The following PRKN variants were observed in gnomAD, a reference collection of about 807,000 sequenced individuals.
PRKN encodes the protein parkin RBR E3 ubiquitin protein ligase, also known as E3 ubiquitin-protein ligase parkin.
A neutral mutation model predicts 59.5 loss-of-function variants in PRKN; 56 were observed. The ratio of observed to expected loss-of-function variants is 0.94; its 90% CI spans 0.76 to 1.18. The LOEUF (loss-of-function observed/expected upper bound fraction) is 1.18. Ranked by LOEUF, PRKN falls within the 50% of genes most tolerant of loss-of-function variation. PRKN has a pLI of 0.00. For synonymous variants in PRKN, 250 were observed against 222.1 expected (o/e 1.13, Z -1.12); for missense variants, 657 against 596.4 (o/e 1.10, Z -1.06).
intron 4 of PRKN, among the ~76,000 whole-genome samples, chr6:162,075,992 A>T (rs112681779): frequency 2.0e-4 from 28 of 138,644 alleles, no homozygotes; most frequent in African/African-American, 6.5e-4. Context: ...TTTTTAAGAC[A>T]GAGTCTCACT....
chr6:162,218,725 C>T (rs1268779206), intron 3 of PRKN, among the ~76,000 whole-genome samples: 1 of 151,998 alleles, frequency 6.6e-6, no homozygotes, highest in South Asian at 2.1e-4. Flanking sequence ...GTGCTGGGAA[C>T]CTAACAGTGA....
intron 2 of PRKN, among the ~76,000 whole-genome samples, chr6:162,320,324 T>G (rs1583372751): frequency 8.3e-6 from 1 of 119,880 alleles, no homozygotes. Flanking sequence ...AGATACCCAG[T>G]AGTGGAATTT....
At chr6:162,471,323 C>T (rs1161980688) in intron 1 of PRKN, among the ~76,000 whole-genome samples, 1 of 152,064 alleles carries the variant, frequency 6.6e-6, no homozygotes, top group African/African-American at 2.4e-5. Context: ...GTCTCGAACT[C>T]CTGACCTCAG....
rs945037126 is a variant in PRKN at position 161,401,984 on chromosome 6, G to A, written c.1084-15107C>T. On this transcript the variant is annotated intron_variant, in intron 9 of 11. Coordinates refer to ENST00000366898, the MANE Select transcript of PRKN (RefSeq NM_004562.3). The surrounding 1 kb of genome is among the most constrained non-coding windows in gnomAD (Gnocchi z 4.4). ...TCTTAAAGAAGGTTCCCAGCTTGGG[G>A]CTGGGTAATAATGGTGAGAGCATTT... 1.3e-5 allele frequency among the ~76,000 whole-genome samples: 2 copies of A among 152,188 alleles called. No homozygotes were observed. The highest frequency in any genetic ancestry group is 2.1e-4 in the South Asian group (1 of 4,834).
At chr6:161,646,380 C>T (rs553256724) in intron 7 of PRKN, among the ~76,000 whole-genome samples, 1 of 113,220 alleles carries the variant, frequency 8.8e-6, no homozygotes, top group African/African-American at 3.4e-5. Flanking sequence ...GTGGTGACTG[C>T]GTGTGCGTGC....
At chr6:162,560,848 A>G (rs1779803015) in intron 1 of PRKN, among the ~76,000 whole-genome samples, 1 of 135,990 alleles carries the variant, frequency 7.4e-6, no homozygotes, top group Non-Finnish European at 1.6e-5. Flanking sequence ...CCAGAGAGAG[A>G]GAGGCAAAAA....
At chr6:161,936,724 A>G (rs982904504) in intron 6 of PRKN, among the ~76,000 whole-genome samples, 1 of 152,034 alleles carries the variant, frequency 6.6e-6, no homozygotes, top group Admixed American at 6.6e-5. Flanking sequence ...AGTTTCAATG[A>G]GAAATTATTA....
At chr6:162,219,474 T>C (rs1777840649) in intron 3 of PRKN, among the ~76,000 whole-genome samples, 1 of 152,188 alleles carries the variant, frequency 6.6e-6, no homozygotes, top group Admixed American at 6.5e-5. Flanking sequence ...TTTGCATAGA[T>C]ACTATATCTT....
chr6:161,411,971 CCATTCCTTCCTCATT>C (rs1300144261), intron 9 of PRKN, among the ~76,000 whole-genome samples: 1 of 77,112 alleles, frequency 1.3e-5, no homozygotes, highest in Non-Finnish European at 2.6e-5. Flanking sequence ...CCTTCCTCAC[CCATTCCTTCCTCATT>C]CATTCCTTCC....
intron 9 of PRKN, among the ~76,000 whole-genome samples, chr6:161,531,660 G>T (rs189129792): frequency 5.9e-5 from 9 of 152,276 alleles, no homozygotes; most frequent in African/African-American, 2.2e-4. Flanking sequence ...CTGCAAACGT[G>T]TAGGGGATAT....
chr6:162,225,886 G>GTATATATATATATATATA (rs58925653), intron 3 of PRKN, among the ~76,000 whole-genome samples: 2 of 143,174 alleles, frequency 1.4e-5, no homozygotes, highest in African/African-American at 2.5e-5. Flanking sequence ...ATGTAGGGCT[G>GTATATATATATATATATA]TATATATATA....
intron 7 of PRKN, among the ~76,000 whole-genome samples, chr6:161,589,941 A>T (rs1781657249): frequency 6.6e-6 from 1 of 150,694 alleles, no homozygotes; most frequent in Non-Finnish European, 1.5e-5. Flanking sequence ...CATCATGCGC[A>T]GCTAATTTTT....
At chr6:161,647,619 T>A (rs138545190) in intron 7 of PRKN, among the ~76,000 whole-genome samples, 168 of 151,882 alleles carry the variant, frequency 1.1e-3, no homozygotes, top group African/African-American at 3.9e-3. Context: ...ATAGAAATAG[T>A]AAGAGTTTTC....
At chr6:162,695,311 T>C (rs1346752184) in intron 1 of PRKN, among the ~76,000 whole-genome samples, 1 of 152,068 alleles carries the variant, frequency 6.6e-6, no homozygotes, top group East Asian at 1.9e-4. Context: ...TACTTCAAAA[T>C]CTCAGTTAAA....
At chr6:161,926,254 C>G (rs1402889525) in intron 6 of PRKN, among the ~76,000 whole-genome samples, 1 of 152,152 alleles carries the variant, frequency 6.6e-6, no homozygotes, top group African/African-American at 2.4e-5. Flanking sequence ...AAAAGAGACT[C>G]ATACTTATAT....
chr6:162,202,446 T>C (rs1169037377), intron 3 of PRKN, among the ~76,000 whole-genome samples: 1 of 152,202 alleles, frequency 6.6e-6, no homozygotes, highest in Non-Finnish European at 1.5e-5. Context: ...TAAAGTTTCA[T>C]GGTTTTATCA....
chr6:162,128,203 AG>A (rs1226255229), intron 4 of PRKN, among the ~76,000 whole-genome samples: 1 of 152,222 alleles, frequency 6.6e-6, no homozygotes, highest in Non-Finnish European at 1.5e-5. Context: ...CAGCATTGCC[AG>A]TACCTTACTC....
intron 1 of PRKN, among the ~76,000 whole-genome samples, chr6:162,460,339 G>A (rs922178229): frequency 6.6e-5 from 10 of 152,160 alleles, no homozygotes; most frequent in African/African-American, 2.4e-4. Context: ...GAGTGCATTA[G>A]TGATTGCCTA....
chr6:161,570,232 T>A (rs1980502), intron 7 of PRKN, among the ~76,000 whole-genome samples: 2 of 142,042 alleles, frequency 1.4e-5, no homozygotes, highest in Non-Finnish European at 1.5e-5. Flanking sequence ...ATTTAATGTA[T>A]AGATATGAGT....
Sources: gnomAD v4.1 joint callset for allele counts (sites outside exome capture counted in the v4.1 genomes callset) on GRCh38, gnomAD v4.1.1 for gene constraint, Gnocchi (gnomAD v3.1) non-coding constraint, MANE v1.5 for transcripts, NCBI Gene and HGNC (gene_info 2026-07-23, HGNC 2026-07-21) for gene names.